The following TJP1 variants were observed in gnomAD, a reference collection of about 807,000 sequenced individuals.
TJP1 encodes the protein tight junction protein 1.
TJP1 carries 43 observed loss-of-function variants against 194.2 expected under a neutral mutation model. The observed-to-expected ratio is 0.22, with a 90% confidence interval of 0.17 to 0.29. The LOEUF (loss-of-function observed/expected upper bound fraction) is 0.29. TJP1 is among the 10% of genes least tolerant of loss of function. The pLI is 1.00. For synonymous variants in TJP1, 801 were observed against 779.0 expected (o/e 1.03, Z -0.47); for missense variants, 1,971 against 2,185.7 (o/e 0.90, Z 1.96).
At chr15:29,704,011 C>T (rs1021019874) in intron 27 of TJP1, 151 bp downstream of exon 27, 35 of 778,796 alleles carry the variant, frequency 4.5e-5, no homozygotes, top group Admixed American at 2.9e-4. Flanking sequence ...ATATGCACCA[C>T]AAATAAATGT....
At chr15:29,901,027 A>G (rs2053618373) in intron 2 of TJP1, among the ~76,000 whole-genome samples, 1 of 152,158 alleles carries the variant, frequency 6.6e-6, no homozygotes, top group Non-Finnish European at 1.5e-5. Flanking sequence ...CTCAAGAGGA[A>G]AATCGATGAG....
chr15:29,842,887 T>C (rs575905155), intron 2 of TJP1, among the ~76,000 whole-genome samples: 3 of 152,304 alleles, frequency 2.0e-5, no homozygotes, highest in Non-Finnish European at 4.4e-5. Context: ...GCAAGCAAAG[T>C]TGCATAATGG....
chr15:29,853,491 A>G (rs1411496200), intron 2 of TJP1, among the ~76,000 whole-genome samples: 1 of 152,184 alleles, frequency 6.6e-6, no homozygotes, highest in Non-Finnish European at 1.5e-5. Flanking sequence ...CCATTTGGGG[A>G]CATTGGACAA....
chr15:29,736,081 G>A (rs1422544635), intron 11 of TJP1, among the ~76,000 whole-genome samples: 3 of 151,982 alleles, frequency 2.0e-5, no homozygotes, highest in East Asian at 1.9e-4. Context: ...GGAATCTAAG[G>A]AAAAAAGTAC....
chr15:29,755,627 T>C (rs1473104369), intron 8 of TJP1, among the ~76,000 whole-genome samples: 1 of 152,228 alleles, frequency 6.6e-6, no homozygotes, highest in Non-Finnish European at 1.5e-5. Context: ...TTCAATCTTC[T>C]GAAAACACTG....
chr15:29,813,306 T>A (rs928740248), intron 1 of TJP1, among the ~76,000 whole-genome samples: 1 of 152,222 alleles, frequency 6.6e-6, no homozygotes, highest in East Asian at 1.9e-4. Flanking sequence ...TACTACCTTT[T>A]GCTCAGCTGT....
intron 1 of TJP1, among the ~76,000 whole-genome samples, chr15:29,961,214 C>T (rs991969985): frequency 6.6e-6 from 1 of 151,748 alleles, no homozygotes; most frequent in South Asian, 2.1e-4. Context: ...GTAACTCAGA[C>T]TTCAGGGATT....
At chr15:29,822,633 C>G (rs1236126885), upstream of TJP1, 1 of 292,716 alleles carries the variant, frequency 3.4e-6, no homozygotes, top group Non-Finnish European at 5.1e-6. Context: ...AGCCGGGTAA[C>G]CCAAGTAACT....
chr15:29,926,614 GAAAAA>G (rs56803797), intron 2 of TJP1, among the ~76,000 whole-genome samples: 1 of 113,976 alleles, frequency 8.8e-6, no homozygotes, highest in East Asian at 2.4e-4. Context: ...CTCCATTTCA[GAAAAA>G]AAAAAAAAAA....
chr15:29,949,619 A>G (rs1285726114), intron 2 of TJP1, among the ~76,000 whole-genome samples: 1 of 91,098 alleles, frequency 1.1e-5, no homozygotes, highest in African/African-American at 4.4e-5. Flanking sequence ...CTTCACCACC[A>G]CCACCTCCAC....
At chr15:29,730,640 C>A (rs1419747014) in intron 15 of TJP1, 74 of 664,630 alleles carry the variant, frequency 1.1e-4, no homozygotes, top group Non-Finnish European at 7.2e-5. Context: ...GCGAGAACGA[C>A]CCCCGGACCG....
intron 2 of TJP1, among the ~76,000 whole-genome samples, chr15:29,849,156 G>C (rs913601444): frequency 1.3e-5 from 2 of 152,022 alleles, no homozygotes; most frequent in South Asian, 4.2e-4. Flanking sequence ...TAGTAGGCTT[G>C]ACCCTTGGCT....
At position 29,719,093 on chromosome 15, in the gene TJP1, G is replaced by T. The variant is rs766060035; in HGVS notation, c.3049C>A (p.His1017Asn). ...CTAACGGCTGGCTGTTTCAAAACAT[G>T]GTTCTGCCTCATCATTTCCTCGGGA... ...PYPEEMMRQN[H>N]VLKQPAVSHP... The change falls in exon 21 of 28, where the codon CAT (histidine) becomes AAT (asparagine). Residue 1017 changes from histidine (H) to asparagine (N), a missense_variant. His to Asn is a moderately conservative substitution (Grantham distance 68). Transcript: ENST00000614355. The T allele has an allele frequency of 8.1e-6, 13 of 1,613,872 alleles. No individual in the cohort carries two copies. In the Middle Eastern group the frequency reaches 5.0e-4, roughly 62 times the overall value.
chr15:29,821,779 GC>G (rs1374950142), intron 1 of TJP1, among the ~76,000 whole-genome samples: 4 of 149,636 alleles, frequency 2.7e-5, no homozygotes, highest in African/African-American at 7.3e-5. Context: ...GGCGCCCGCA[GC>G]CCCCTCCCCG....
At chr15:29,875,978 A>AT (rs2052683862) in intron 2 of TJP1, among the ~76,000 whole-genome samples, 2 of 152,190 alleles carry the variant, frequency 1.3e-5, no homozygotes, top group African/African-American at 4.8e-5. Flanking sequence ...CTTGTCCAAT[A>AT]TGGTAACTGC....
chr15:29,847,172 G>A (rs187255106), intron 2 of TJP1, among the ~76,000 whole-genome samples: 9 of 151,938 alleles, frequency 5.9e-5, no homozygotes, highest in East Asian at 3.9e-4. Flanking sequence ...GCATGATCAC[G>A]GCTCACTGCA....
chr15:29,760,389 T>G (rs1365976689), intron 8 of TJP1: 2 of 620,626 alleles, frequency 3.2e-6, no homozygotes, highest in Non-Finnish European at 5.8e-6. Context: ...TTTTGTTTTG[T>G]TTTTGAGAAA....
At chr15:29,741,212 G>GTA (rs2044390444) in intron 10 of TJP1, 119 bp downstream of exon 10, 14 of 693,068 alleles carry the variant, frequency 2.0e-5, no homozygotes, top group Non-Finnish European at 3.2e-5. Context: ...AATAATCATA[G>GTA]TATTAGGTGG....
chr15:29,722,166 G>C (rs932325080), intron 18 of TJP1, among the ~76,000 whole-genome samples: 1 of 152,238 alleles, frequency 6.6e-6, no homozygotes, highest in African/African-American at 2.4e-5. Context: ...TAAGTAACGA[G>C]GGACAGAATA....
Sources: allele counts gnomAD v4.1 joint callset (sites outside exome capture counted in the v4.1 genomes callset), GRCh38; gene constraint gnomAD v4.1.1; transcripts MANE v1.5; gene names NCBI Gene and HGNC (gene_info 2026-07-23, HGNC 2026-07-21).